GAN: variants seen among roughly 807,000 people sequenced by gnomAD.
The protein encoded by GAN is epididymis secretory sperm binding protein.
A neutral mutation model predicts 71.3 loss-of-function variants in GAN; 48 were observed. The observed-to-expected ratio is 0.67, with a 90% CI of 0.53 to 0.86. The LOEUF is 0.86. Among genes scored for constraint, GAN ranks in the 40% least tolerant of loss-of-function variants. The probability of loss-of-function intolerance (pLI) is 0.00; values close to 1 mark genes in which losing one functional copy is unlikely to be tolerated. For synonymous variants in GAN, 386 were observed against 276.8 expected, an observed-to-expected ratio of 1.39 and a Z score of -3.92; for missense variants, 928 against 770.1, an observed-to-expected ratio of 1.21 and a Z score of -2.43.
At position 81,352,349 on chromosome 16, in the gene GAN, C is replaced by T. The variant is rs113983699; in HGVS notation, c.282+652C>T. 2.8e-3 allele frequency among the ~76,000 whole-genome samples: 424 copies of T among 152,258 alleles called. 3 individuals are homozygous for T. The highest frequency in any genetic ancestry group is 9.7e-3 in the African/African-American group (402 of 41,540). ...ATCAGACTTCTTTCTTTTCCTTTGC[C>T]CTCCTCCGACTACCCATTCCCCATG... On this transcript the variant is annotated intron_variant, in intron 2 of 10. Transcript: ENST00000648994.
intron 1 of GAN, among the ~76,000 whole-genome samples, chr16:81,334,621 A>G (rs1207226028): frequency 1.3e-5 from 2 of 152,198 alleles, no homozygotes; most frequent in Non-Finnish European, 2.9e-5. Flanking sequence ...AACTGTGGAT[A>G]GTGGAACATT....
intron 1 of GAN, among the ~76,000 whole-genome samples, chr16:81,330,898 C>T (rs1909554327): frequency 6.6e-6 from 1 of 152,124 alleles, no homozygotes; most frequent in Non-Finnish European, 1.5e-5. Flanking sequence ...AAATGCATAA[C>T]CTCAGTGGAA....
intron 1 of GAN, among the ~76,000 whole-genome samples, chr16:81,346,889 C>G (rs1910136628): frequency 6.6e-6 from 1 of 152,180 alleles, no homozygotes; most frequent in South Asian, 2.1e-4. Flanking sequence ...GTGCCTTTAA[C>G]TGAAGCTTAA....
rs369700456 is a variant in GAN, at chr16:81,354,391, T to C, written c.283-14T>C. 3.3e-4 allele frequency: 510 copies of C among 1,526,030 alleles called. No homozygotes were observed. Among genetic ancestry groups the C allele is most frequent in the Non-Finnish European group, 4.3e-4 (473 of 1,099,678 alleles). 94.5% of individuals were successfully genotyped at this position (1,526,030 alleles called of 1,614,324 possible). On this transcript the variant is annotated splice_polypyrimidine_tract_variant and intron_variant, in intron 2 of 10. Transcript: ENST00000648994. ...TACACATTCAAATATAAGATAATTA[T>C]GCTACTTTTTTAGATCAGGCTAAAT... is the stretch of plus-strand genomic sequence containing the variant.
rs1007738592 is a variant in GAN, at chr16:81,385,990, A to T, written c.*8394A>T. On this transcript the variant is annotated 3_prime_UTR_variant, in exon 11 of 11. Transcript: ENST00000648994. ...GGTCTCGAGCTCCTGAGCTCAGGCA[A>T]TCCGCCTGCCTCAACCTCCCAAAGT... 6.6e-6 allele frequency: 1 copy of T among 152,088 alleles called. No homozygotes were observed. Among genetic ancestry groups the T allele is most frequent in the East Asian group, 1.9e-4 (1 of 5,186 alleles). 9.4% of individuals were successfully genotyped at this position (152,088 alleles called of 1,614,324 possible).
chr16:81,340,191 A>C lies in GAN; in HGVS notation c.168-11392A>C, dbSNP rs991192899. Among the ~76,000 whole-genome samples the C allele has an allele frequency of 4.6e-5, 7 of 152,330 alleles. No homozygotes were observed. In the East Asian group the frequency reaches 1.2e-3, roughly 25 times the overall value. On this transcript the variant is annotated intron_variant, in intron 1 of 10. Coordinates refer to ENST00000648994, the MANE Select transcript of GAN (RefSeq NM_022041.4). The stretch of plus-strand genomic sequence containing the variant: ...TGGGCTCAAGCAGTCCTCTCACCTC[A>C]GCCTTACAAAGTGCCCGGATTACAG...
intron 1 of GAN, 44 bp downstream of exon 1, chr16:81,315,324 G>A (rs563284875): frequency 1.5e-6 from 2 of 1,351,190 alleles, no homozygotes; most frequent in Middle Eastern, 2.4e-4. Flanking sequence ...GTGCTGCCCG[G>A]AGCCGGAGGC....
At chr16:81,332,334 G>A (rs751485208) in intron 1 of GAN, among the ~76,000 whole-genome samples, 54 of 152,162 alleles carry the variant, frequency 3.5e-4, no homozygotes, top group Non-Finnish European at 4.6e-4. Flanking sequence ...CAGCAACTGG[G>A]CTTGTGGAAA....
At chr16:81,336,760 G>C (rs1185767740) in intron 1 of GAN, among the ~76,000 whole-genome samples, 1 of 152,020 alleles carries the variant, frequency 6.6e-6, no homozygotes, top group Non-Finnish European at 1.5e-5. Flanking sequence ...TTGTAGGTGT[G>C]AGCCACCATG....
chr16:81,389,301 A>T lies in GAN; in HGVS notation c.*11705A>T, dbSNP rs889192284. On this transcript the variant is annotated 3_prime_UTR_variant, in exon 11 of 11. Coordinates refer to ENST00000648994, the MANE Select transcript of GAN (RefSeq NM_022041.4). ...TGGTTCCTCGGTCTTGTACCCCTTCAGTTCGCCGGCGACGTAATGGTGATA... is the reference window on the plus strand; with the variant it reads ...TGGTTCCTCGGTCTTGTACCCCTTCTGTTCGCCGGCGACGTAATGGTGATA... 1 of 152,188 alleles carries T rather than the reference A, an allele frequency of 6.6e-6. No homozygotes were observed. The highest frequency in any genetic ancestry group is 2.4e-5 in the African/African-American group (1 of 41,452). 9.4% of individuals were successfully genotyped at this position (152,188 alleles called of 1,614,324 possible).
rs1904402067 is a variant in GAN at position 81,386,392 on chromosome 16, A to G, written c.*8796A>G. The stretch of plus-strand genomic sequence containing the variant: ...ACATGAAACTTAAAAACAAACAAAT[A>G]TGTGTTACAAGTACTTGTGTGTACG... On this transcript the variant is annotated 3_prime_UTR_variant, in exon 11 of 11. Transcript: ENST00000648994. 1.3e-5 allele frequency: 2 copies of G among 152,202 alleles called. No homozygotes were observed. The highest frequency in any genetic ancestry group is 2.4e-5 in the African/African-American group (1 of 41,458). The allele number at this position is 152,202 out of a possible 1,614,324, so 9.4% of individuals were successfully genotyped here.
intron 1 of GAN, among the ~76,000 whole-genome samples, chr16:81,321,891 C>G (rs1367363458): frequency 1.3e-5 from 2 of 152,162 alleles, no homozygotes; most frequent in African/African-American, 4.8e-5. Context: ...TCTCTTCCTC[C>G]TAAGCCACAA....
intron 1 of GAN, among the ~76,000 whole-genome samples, chr16:81,351,146 G>A (rs919611314): frequency 2.0e-5 from 3 of 152,260 alleles, no homozygotes; most frequent in Non-Finnish European, 2.9e-5. Context: ...TGGAAGCAGA[G>A]GAATGGATTG....
chr16:81,375,324 T>TA (rs2150697406), intron 9 of GAN, among the ~76,000 whole-genome samples: 1 of 146,736 alleles, frequency 6.8e-6, no homozygotes, highest in Non-Finnish European at 1.5e-5. Context: ...GTCCTTTTTT[T>TA]TTTTTTTAAT....
At chr16:81,324,054 A>C (rs1043152755) in intron 1 of GAN, among the ~76,000 whole-genome samples, 4 of 152,212 alleles carry the variant, frequency 2.6e-5, no homozygotes, top group African/African-American at 9.7e-5. Flanking sequence ...ATGAGCAGAG[A>C]ATAGATTTGC....
chr16:81,355,234 G>C (rs1030166306), intron 3 of GAN, among the ~76,000 whole-genome samples: 3 of 152,204 alleles, frequency 2.0e-5, no homozygotes, highest in African/African-American at 7.2e-5. Flanking sequence ...AAGCAGGCAG[G>C]CTCTGGAGTT....
At chr16:81,375,192 A>G (rs1904276731) in intron 9 of GAN, among the ~76,000 whole-genome samples, 1 of 152,100 alleles carries the variant, frequency 6.6e-6, no homozygotes, top group Non-Finnish European at 1.5e-5. Flanking sequence ...CTGGGAAAAA[A>G]TATTCATAAT....
At chr16:81,343,719 G>C (rs1910023000) in intron 1 of GAN, among the ~76,000 whole-genome samples, 1 of 152,202 alleles carries the variant, frequency 6.6e-6, no homozygotes, top group Non-Finnish European at 1.5e-5. Context: ...AGACAAGGAT[G>C]CCCTCTCTCA....
intron 5 of GAN, among the ~76,000 whole-genome samples, chr16:81,360,793 A>T (rs1270570525): frequency 6.6e-6 from 1 of 152,180 alleles, no homozygotes; most frequent in Non-Finnish European, 1.5e-5. Context: ...ACTTGAAAAA[A>T]ATCATCTTTC....
Sources: gnomAD v4.1 joint callset for allele counts (sites outside exome capture counted in the v4.1 genomes callset) on GRCh38, gnomAD v4.1.1 for gene constraint, MANE v1.5 for transcripts, NCBI Gene and HGNC (gene_info 2026-07-23, HGNC 2026-07-21) for gene names.